IGSF11: variants seen among roughly 807,000 people sequenced by gnomAD.
IGSF11 encodes the protein CXADR like 1.
IGSF11 carries 22 observed loss-of-function variants against 41.0 expected under a neutral mutation model. That is an observed-to-expected ratio of 0.54 (90% CI 0.38 to 0.77). The LOEUF is 0.77. Among genes scored for constraint, IGSF11 ranks in the 30% least tolerant of loss-of-function variants. IGSF11 has a pLI of 0.00. For synonymous variants in IGSF11, 219 were observed against 201.3 expected (o/e 1.09, Z -0.74); for missense variants, 444 against 530.8 (o/e 0.84, Z 1.61).
intron 1 of IGSF11, among the ~76,000 whole-genome samples, chr3:118,976,247 T>C (rs762727848): frequency 2.6e-5 from 4 of 152,200 alleles, no homozygotes; most frequent in Non-Finnish European, 5.9e-5. Flanking sequence ...TTAATAATCA[T>C]CACTTCAAAG....
chr3:119,071,866 C>T (rs966807767), intron 1 of IGSF11, among the ~76,000 whole-genome samples: 15 of 152,202 alleles, frequency 9.9e-5, no homozygotes, highest in African/African-American at 2.4e-4. Context: ...TTCTGCCCAA[C>T]GAAAACAAAA....
chr3:118,961,491 T>C (rs1398751933), intron 1 of IGSF11, among the ~76,000 whole-genome samples: 2 of 152,196 alleles, frequency 1.3e-5, no homozygotes, highest in Non-Finnish European at 2.9e-5. Flanking sequence ...GTTTAAAATG[T>C]TCACATTAAC....
At chr3:118,907,805 T>C (rs1379877268) in intron 4 of IGSF11, among the ~76,000 whole-genome samples, 1 of 152,210 alleles carries the variant, frequency 6.6e-6, no homozygotes, top group African/African-American at 2.4e-5. Context: ...GTCCAAAGCT[T>C]ATACTCACCA....
chr3:118,924,914 T>C (rs555018103), intron 4 of IGSF11, among the ~76,000 whole-genome samples: 2 of 152,240 alleles, frequency 1.3e-5, no homozygotes, highest in Admixed American at 6.5e-5. Flanking sequence ...AATTTGAATA[T>C]AGTTTTCAGT....
At chr3:118,989,571 G>A (rs1018431304) in intron 1 of IGSF11, among the ~76,000 whole-genome samples, 2 of 152,190 alleles carry the variant, frequency 1.3e-5, no homozygotes, top group East Asian at 3.9e-4. Context: ...AGCCAGGATG[G>A]TCTCGAACTC....
At chr3:119,131,470 T>A (rs1306603184) in intron 1 of IGSF11, among the ~76,000 whole-genome samples, 4 of 152,110 alleles carry the variant, frequency 2.6e-5, no homozygotes, top group African/African-American at 9.6e-5. Flanking sequence ...AAGATCAAAT[T>A]AATGAAATAG....
chr3:119,001,322 T>C (rs1449373995), intron 1 of IGSF11, among the ~76,000 whole-genome samples: 1 of 151,704 alleles, frequency 6.6e-6, no homozygotes, highest in East Asian at 1.9e-4. Flanking sequence ...GCCAATAGAA[T>C]GTAAATTCCA....
Position 118,959,901 on chromosome 3 carries a change from T to C in IGSF11, c.53-29626A>G, listed in dbSNP as rs563015415. On this transcript the variant is annotated intron_variant, in intron 1 of 6. Coordinates refer to ENST00000393775, the MANE Select transcript of IGSF11 (RefSeq NM_001015887.3). ...CCTCTAAAAATAAAAAAAAATTAGC[T>C]GGGCGTGGTGGCGGGCGCCTGTAGC... is the stretch of plus-strand genomic sequence containing the variant. Among the ~76,000 whole-genome samples, 16 of 152,082 alleles carry C rather than the reference T, an allele frequency of 1.1e-4. No individual in the cohort carries two copies. In the East Asian group the frequency reaches 2.1e-3, roughly 20 times the overall value.
intron 1 of IGSF11, among the ~76,000 whole-genome samples, chr3:119,051,115 G>GT (rs929652234): frequency 4.0e-4 from 61 of 151,184 alleles, no homozygotes; most frequent in African/African-American, 1.5e-3. Context: ...CGTGCACAAT[G>GT]TGCACATGTA....
intron 4 of IGSF11, among the ~76,000 whole-genome samples, chr3:118,924,976 C>T (rs1942162604): frequency 1.3e-5 from 2 of 152,078 alleles, no homozygotes; most frequent in Non-Finnish European, 2.9e-5. Flanking sequence ...GTGAGATTGA[C>T]AAATCATTCC....
intron 1 of IGSF11, among the ~76,000 whole-genome samples, chr3:119,110,783 C>T (rs1487022984): frequency 2.0e-5 from 3 of 151,730 alleles, no homozygotes; most frequent in Non-Finnish European, 2.9e-5. Flanking sequence ...TAGGGCAGGC[C>T]TGGTGGTGAC....
chr3:118,976,141 A>C (rs186481099), intron 1 of IGSF11, among the ~76,000 whole-genome samples: 11 of 152,308 alleles, frequency 7.2e-5, no homozygotes, highest in African/African-American at 2.4e-4. Flanking sequence ...TTTAAGCTGT[A>C]TGCATTTCAT....
intron 1 of IGSF11, among the ~76,000 whole-genome samples, chr3:118,935,838 T>C (rs1343322642): frequency 1.3e-5 from 2 of 152,186 alleles, no homozygotes; most frequent in Admixed American, 1.3e-4. Context: ...ATTAAGATTT[T>C]CTTATTCTGT....
intron 1 of IGSF11, among the ~76,000 whole-genome samples, chr3:119,001,335 T>A (rs1023635792): frequency 3.3e-5 from 5 of 151,708 alleles, no homozygotes; most frequent in Admixed American, 3.3e-4. Context: ...AAATTCCACA[T>A]GGGCAGGGAA....
chr3:119,004,939 G>T (rs1177469088), intron 1 of IGSF11, among the ~76,000 whole-genome samples: 3 of 151,796 alleles, frequency 2.0e-5, no homozygotes, highest in African/African-American at 7.3e-5. Flanking sequence ...TGTATATTCT[G>T]TTGATTTGGG....
intron 1 of IGSF11, among the ~76,000 whole-genome samples, chr3:119,124,620 G>A (rs1336968327): frequency 6.6e-6 from 1 of 151,682 alleles, no homozygotes; most frequent in Non-Finnish European, 1.5e-5. Flanking sequence ...ACAGTCAGAA[G>A]AGACAAAAGA....
chr3:118,907,551 G>A (rs1452529429), intron 4 of IGSF11, among the ~76,000 whole-genome samples: 1 of 152,134 alleles, frequency 6.6e-6, no homozygotes, highest in African/African-American at 2.4e-5. Flanking sequence ...CTCAGAAATT[G>A]CCAGGCACAC....
chr3:119,099,931 T>C (rs1324935749), intron 1 of IGSF11, among the ~76,000 whole-genome samples: 3 of 152,136 alleles, frequency 2.0e-5, no homozygotes, highest in African/African-American at 7.2e-5. Context: ...ATCTGATAAC[T>C]GAGACAATTA....
chr3:119,022,616 G>A (rs531315680), intron 1 of IGSF11, among the ~76,000 whole-genome samples: 2 of 152,262 alleles, frequency 1.3e-5, no homozygotes, highest in South Asian at 4.1e-4. Flanking sequence ...AGGGGAAAAG[G>A]TGCGTAACCT....
Sources: allele counts gnomAD v4.1 joint callset (sites outside exome capture counted in the v4.1 genomes callset), GRCh38; gene constraint gnomAD v4.1.1; transcripts MANE v1.5; gene names NCBI Gene and HGNC (gene_info 2026-07-23, HGNC 2026-07-21).